Variants in CCDC80 observed in about 807,000 individuals in gnomAD.
CCDC80 encodes the protein coiled-coil domain containing 80.
A neutral mutation model predicts 78.7 loss-of-function variants in CCDC80; 49 were observed. The observed-to-expected ratio is 0.62, with a 90% CI of 0.50 to 0.79. The LOEUF (loss-of-function observed/expected upper bound fraction) is 0.79. CCDC80 is among the 30% of genes least tolerant of loss of function. The pLI is 0.00. For missense variants in CCDC80, 1,205 were observed against 1,198.6 expected, an observed-to-expected ratio of 1.01 and a Z score of -0.08; for synonymous variants, 488 against 447.0, an observed-to-expected ratio of 1.09 and a Z score of -1.16.
chr3:112,616,853 G>A lies in CCDC80; in HGVS notation c.2178C>T (p.Tyr726=). Residue 726 remains tyrosine, a synonymous_variant, in exon 5 of 8, where the codon TAC becomes TAT. Transcript: ENST00000206423. ...ACTTCATTGTTATTGGTACCTCATA[G>A]TATTGCTGTTTAAGAAAAAACAGAA... The part of the protein sequence containing the change: ...LTDVDLRVKQ[Y]YEVPITMKSV... The A allele has an allele frequency of 6.2e-7, 1 of 1,613,492 alleles. No homozygotes were observed. Among genetic ancestry groups the A allele is most frequent in the Non-Finnish European group, 8.5e-7 (1 of 1,179,878 alleles).
chr3:112,622,822 ATTTTT>A (rs373170477), intron 3 of CCDC80, among the ~76,000 whole-genome samples: 2 of 118,900 alleles, frequency 1.7e-5, no homozygotes, highest in Admixed American at 9.3e-5. Context: ...TGCCCAGCTA[ATTTTT>A]TTTTTTTTTT....
Position 112,641,069 on chromosome 3 carries a change from T to G in CCDC80, c.-754A>C, listed in dbSNP as rs1936329674. 6.6e-6 allele frequency: 1 copy of G among 152,240 alleles called. No individual in the cohort carries two copies. The highest frequency in any genetic ancestry group is 1.5e-5 in the Non-Finnish European group (1 of 68,072). The allele number at this position is 152,240 out of a possible 1,614,324, so 9.4% of individuals were successfully genotyped here. ...AATCAAGGAAACTTCACTAAGAATT[T>G]AACAGATCAGCAAAACACCGCCTCC... is the stretch of plus-strand genomic sequence containing the variant. On this transcript the variant is annotated 5_prime_UTR_variant, in exon 1 of 8. Coordinates refer to ENST00000206423, the MANE Select transcript of CCDC80 (RefSeq NM_199511.3).
At position 112,618,773 on chromosome 3, in the gene CCDC80, A is replaced by G. The variant is rs2271407; in HGVS notation, c.2172+195T>C. Among the ~76,000 whole-genome samples, 16 of 152,290 alleles carry G rather than the reference A, an allele frequency of 1.1e-4. No individual in the cohort carries two copies. The East Asian group carries it at 3.1e-3, about 29-fold the overall frequency. Reference sequence around the variant, plus strand: ...AGCTGGGCTGTGGGAAGTCACTCCAACTCAGTCTTTGTCAGAGACCACATT... The same window carrying G: ...AGCTGGGCTGTGGGAAGTCACTCCAGCTCAGTCTTTGTCAGAGACCACATT... On this transcript the variant is annotated intron_variant, in intron 4 of 7. Coordinates refer to ENST00000206423, the MANE Select transcript of CCDC80 (RefSeq NM_199511.3).
rs1935370122 is a variant in CCDC80 at position 112,601,330 on chromosome 3, G to C, written c.*4087C>G. The C allele has an allele frequency of 6.6e-6, 1 of 152,040 alleles. No homozygotes were observed. Among genetic ancestry groups the C allele is most frequent in the Non-Finnish European group, 1.5e-5 (1 of 68,014 alleles). 9.4% of individuals were successfully genotyped at this position (152,040 alleles called of 1,614,324 possible). ...GGTTTGAATGCATTTATTAATCTCT[G>C]TACTTATTAGAATTAATAATAATAC... On this transcript the variant is annotated 3_prime_UTR_variant, in exon 8 of 8. Coordinates refer to ENST00000206423, the MANE Select transcript of CCDC80 (RefSeq NM_199511.3).
At chr3:112,608,086 G>A (rs2107470663) in intron 6 of CCDC80, among the ~76,000 whole-genome samples, 1 of 152,352 alleles carries the variant, frequency 6.6e-6, no homozygotes, top group East Asian at 1.9e-4. Context: ...GGAAGGTCAT[G>A]CCTTGGTAGC....
In CCDC80 at chr3:112,597,535, AGGGGGT is replaced by A. The variant is rs1935302474; in HGVS notation, c.*7876_*7881del. On this transcript the variant is annotated 3_prime_UTR_variant, in exon 8 of 8. Coordinates refer to ENST00000206423, the MANE Select transcript of CCDC80 (RefSeq NM_199511.3). ...CATTACTTTTTAGTTTATTTCAGGG[AGGGGGT>A]GGTGTTTTTTAATGAATTAATACAA... 1 of 151,810 alleles carries A rather than the reference AGGGGGT, an allele frequency of 6.6e-6. No individual in the cohort carries two copies. The highest frequency in any genetic ancestry group is 2.4e-5 in the African/African-American group (1 of 41,318). The allele number at this position is 151,810 out of a possible 1,614,324, so 9.4% of individuals were successfully genotyped here.
rs1935457408 is a variant in CCDC80 at position 112,605,279 on chromosome 3, C to A, written c.*138G>T. 2 of 581,558 alleles carry A rather than the reference C, an allele frequency of 3.4e-6. No individual in the cohort carries two copies. Among genetic ancestry groups the A allele is most frequent in the Non-Finnish European group, 3.0e-6 (1 of 335,926 alleles). 36.0% of individuals were successfully genotyped at this position (581,558 alleles called of 1,614,324 possible). On this transcript the variant is annotated 3_prime_UTR_variant, in exon 8 of 8. Coordinates refer to ENST00000206423, the MANE Select transcript of CCDC80 (RefSeq NM_199511.3). ...TAACTCATGAATAGGTGAAAGTTTG[C>A]TATTTATTTAGTCTTAGAAAAACAC...
Position 112,605,753 on chromosome 3 carries a change from A to T in CCDC80, c.2517T>A (p.Val839=), listed in dbSNP as rs1169863197. 2.5e-6 allele frequency: 4 copies of T among 1,613,380 alleles called. No individual in the cohort carries two copies. In the Admixed American group the frequency reaches 6.7e-5, roughly 27 times the overall value. ...GGGCTGGTACGTCTTCTCGCTCAAC[A>T]ACAGAGCTCCCTAGAATAACATTGG... ...LELFPINGSS[V]VEREDVPAHL... is the part of the protein sequence containing the mutation. Residue 839 remains valine, a synonymous_variant, in exon 8 of 8, where the codon GTT becomes GTA. Transcript: ENST00000206423.
intron 2 of CCDC80, among the ~76,000 whole-genome samples, chr3:112,635,646 T>C (rs987765778): frequency 3.9e-5 from 6 of 152,372 alleles, no homozygotes; most frequent in Admixed American, 6.5e-5. Context: ...ATTTCTGATA[T>C]GATCATCAGT....
rs980722461 is a variant in CCDC80, at chr3:112,602,484, A to T, written c.*2933T>A. On this transcript the variant is annotated 3_prime_UTR_variant, in exon 8 of 8. Transcript: ENST00000206423. ...AAAGCTAAGCCTCTTATGCCAAACAACCAAGTTGTAAATGCAAAGGAAAAG... is the reference window on the plus strand; with the variant it reads ...AAAGCTAAGCCTCTTATGCCAAACATCCAAGTTGTAAATGCAAAGGAAAAG... 1 of 152,220 alleles carries T rather than the reference A, an allele frequency of 6.6e-6. No individual in the cohort carries two copies. Among genetic ancestry groups the T allele is most frequent in the Non-Finnish European group, 1.5e-5 (1 of 68,026 alleles). The allele number at this position is 152,220 out of a possible 1,614,324, so 9.4% of individuals were successfully genotyped here.
At chr3:112,621,885 T>C (rs1442810588) in intron 3 of CCDC80, among the ~76,000 whole-genome samples, 1 of 152,194 alleles carries the variant, frequency 6.6e-6, no homozygotes, top group Non-Finnish European at 1.5e-5. Flanking sequence ...GGTCCAACTC[T>C]ATTGCAGCTC....
chr3:112,623,921 A>G (rs983343851), intron 3 of CCDC80, among the ~76,000 whole-genome samples: 1 of 152,180 alleles, frequency 6.6e-6, no homozygotes, highest in Non-Finnish European at 1.5e-5. Flanking sequence ...CATTGCAACC[A>G]GTTGTTTACA....
At chr3:112,616,183 G>A (rs1047198283) in intron 5 of CCDC80, among the ~76,000 whole-genome samples, 4 of 152,052 alleles carry the variant, frequency 2.6e-5, no homozygotes, top group Admixed American at 6.5e-5. Context: ...CGACAGTGTC[G>A]AAAAATTCGT....
chr3:112,634,333 A>T (rs1936163702), intron 2 of CCDC80, among the ~76,000 whole-genome samples: 2 of 152,150 alleles, frequency 1.3e-5, no homozygotes, highest in African/African-American at 4.8e-5. Context: ...GAATTCTTAA[A>T]TTTGCACTTG....
At position 112,639,431 on chromosome 3, in the gene CCDC80, C is replaced by T. The variant is rs1936292570; in HGVS notation, c.475G>A (p.Ala159Thr). 1 of 1,614,080 alleles carries T rather than the reference C, an allele frequency of 6.2e-7. No homozygotes were observed. Among genetic ancestry groups the T allele is most frequent in the Non-Finnish European group, 8.5e-7 (1 of 1,180,056 alleles). Residue 159 changes from alanine to threonine, a missense_variant, in exon 2 of 8, where the codon GCC becomes ACC. Coordinates refer to ENST00000206423, the MANE Select transcript of CCDC80 (RefSeq NM_199511.3). ...NRVWVISAPHASEGYYRLMMS... is the reference protein window; with the variant it reads ...NRVWVISAPHTSEGYYRLMMS... The stretch of plus-strand genomic sequence containing the variant: ...ATGAGGCGGTAGTAGCCTTCCGAGG[C>T]ATGAGGGGCTGAGATGACCCATACT...
rs528656184 is a variant in CCDC80 at position 112,628,873 on chromosome 3, A to T, written c.2035+1240T>A. Among the ~76,000 whole-genome samples the T allele has an allele frequency of 1.9e-3, 294 of 152,308 alleles. 2 individuals carry two copies. Among genetic ancestry groups the T allele is most frequent in the African/African-American group, 6.9e-3 (285 of 41,562 alleles). ...GGCTATTTAAAGTAGAGAATGCATAACTGATACTTTACCCTGAATCAGCTC... is the reference window on the plus strand; with the variant it reads ...GGCTATTTAAAGTAGAGAATGCATATCTGATACTTTACCCTGAATCAGCTC... On this transcript the variant is annotated intron_variant, in intron 3 of 7. Coordinates refer to ENST00000206423, the MANE Select transcript of CCDC80 (RefSeq NM_199511.3).
intron 2 of CCDC80, among the ~76,000 whole-genome samples, chr3:112,637,319 C>T (rs1936226118): frequency 6.6e-6 from 1 of 152,154 alleles, no homozygotes; most frequent in East Asian, 1.9e-4. Context: ...TCCCCACATT[C>T]CACTCTTTGG....
chr3:112,614,644 C>A (rs750438078), intron 5 of CCDC80, among the ~76,000 whole-genome samples: 7 of 152,154 alleles, frequency 4.6e-5, no homozygotes, highest in Non-Finnish European at 8.8e-5. Flanking sequence ...GATACTTGTA[C>A]TGCATTGAGA....
intron 6 of CCDC80, 56 bp from the exon 7 acceptor site, chr3:112,607,312 A>G (rs1182671228): frequency 1.5e-6 from 2 of 1,302,006 alleles, no homozygotes; most frequent in Non-Finnish European, 2.2e-6. Flanking sequence ...GTTATCTTTT[A>G]CTTCAAAGCC....
Sources: gnomAD v4.1 joint callset for allele counts (sites outside exome capture counted in the v4.1 genomes callset) on GRCh38, gnomAD v4.1.1 for gene constraint, MANE v1.5 for transcripts, NCBI Gene and HGNC (gene_info 2026-07-23, HGNC 2026-07-21) for gene names.